The following CHD7 variants were observed in gnomAD, a reference collection of about 807,000 sequenced individuals.
The protein encoded by CHD7 is ATP-dependent chromatin remodeler CHD7.
Under a neutral mutation model 307.3 loss-of-function variants are expected in CHD7, and 24 were observed. That is an observed-to-expected ratio of 0.08 (90% CI 0.06 to 0.11). The LOEUF (loss-of-function observed/expected upper bound fraction) is 0.11. Among genes scored for constraint, CHD7 ranks in the 10% least tolerant of loss-of-function variants. The probability of loss-of-function intolerance (pLI) is 1.00; values close to 1 mark genes in which losing one functional copy is unlikely to be tolerated. For missense variants in CHD7, 3,106 were observed against 3,727.1 expected (o/e 0.83, Z 4.34); for synonymous variants, 1,363 against 1,349.9 (o/e 1.01, Z -0.21).
Position 60,781,346 on chromosome 8 carries a change from C to T in CHD7, c.2012C>T (p.Pro671Leu), listed in dbSNP as rs370588681. Residue 671 changes from proline (P) to leucine (L), a missense_variant, in exon 3 of 38, where the codon CCG becomes CTG. Pro to Leu is a moderately conservative substitution (Grantham distance 98, BLOSUM62 -3). Around this residue, in one of 10 missense-constraint regions of CHD7, gnomAD observed 998 missense variants for 1,004.5 expected, o/e 0.99. Coordinates refer to ENST00000423902, the MANE Select transcript of CHD7 (RefSeq NM_017780.4). ...EKKEPKEPKT[P>L]KAPKIPKEPK... Reference sequence around the variant, plus strand: ...AAAGAGCCCAAGGAACCCAAGACCCCGAAAGCCCCTAAGATTCCCAAAGAG... The same window carrying T: ...AAAGAGCCCAAGGAACCCAAGACCCTGAAAGCCCCTAAGATTCCCAAAGAG... 4.5e-4 allele frequency: 699 copies of T among 1,567,606 alleles called. 15 individuals are homozygous for T. The South Asian group carries it at 7.3e-3, about 16-fold the overall frequency.
Position 60,816,414 on chromosome 8 carries a change from T to C in CHD7, c.2526T>C (p.Ser842=). The change falls in exon 8 of 38, where the codon TCT becomes TCC. Residue 842 remains serine, a synonymous_variant. Coordinates refer to ENST00000423902, the MANE Select transcript of CHD7 (RefSeq NM_017780.4). ...CTTATCTTCATTGTCAGTGGGCATC[T>C]ATAGAAGATCTGGAAAAAGATAAGA... is the stretch of plus-strand genomic sequence containing the variant. ...NFSYLHCQWA[S]IEDLEKDKRI... 2 of 1,603,130 alleles carry C rather than the reference T, an allele frequency of 1.2e-6. No individual in the cohort carries two copies. Among genetic ancestry groups the C allele is most frequent in the Non-Finnish European group, 1.7e-6 (2 of 1,172,220 alleles).
At chr8:60,841,259 C>T (rs1187079167) in intron 19 of CHD7, among the ~76,000 whole-genome samples, 2 of 152,246 alleles carry the variant, frequency 1.3e-5, no homozygotes, top group Non-Finnish European at 2.9e-5. Context: ...ACATGCTCTG[C>T]TGTGAACATT....
chr8:60,733,818 G>T (rs1808576186), intron 1 of CHD7, among the ~76,000 whole-genome samples: 1 of 151,980 alleles, frequency 6.6e-6, no homozygotes, highest in South Asian at 2.1e-4. Flanking sequence ...AATATCCAGA[G>T]TCTTCAAAGT....
intron 1 of CHD7, among the ~76,000 whole-genome samples, chr8:60,729,103 G>T (rs1178995506): frequency 3.3e-5 from 5 of 152,200 alleles, no homozygotes; most frequent in East Asian, 1.9e-4. Context: ...AAGTTATTTG[G>T]ATATGGTGAT....
chr8:60,748,415 T>TGCA (rs1809441507), intron 2 of CHD7, among the ~76,000 whole-genome samples: 1 of 152,194 alleles, frequency 6.6e-6, no homozygotes, highest in Non-Finnish European at 1.5e-5. Context: ...TGCATGGTCC[T>TGCA]GGGCCCATGG....
intron 1 of CHD7, among the ~76,000 whole-genome samples, chr8:60,722,439 T>C (rs1463228975): frequency 6.6e-6 from 1 of 152,226 alleles, no homozygotes; most frequent in African/African-American, 2.4e-5. Flanking sequence ...TACTGGCATA[T>C]TGTATTTTCA....
intron 2 of CHD7, among the ~76,000 whole-genome samples, chr8:60,768,623 C>G (rs1203722565): frequency 1.3e-5 from 2 of 152,178 alleles, no homozygotes; most frequent in South Asian, 4.1e-4. Context: ...CCAGCTGTCC[C>G]TGGGGATTGT....
intron 7 of CHD7, 61 bp downstream of exon 7, chr8:60,808,333 A>T: frequency 2.0e-6 from 2 of 982,376 alleles, no homozygotes; most frequent in Non-Finnish European, 3.0e-6. Flanking sequence ...GTAAACGACC[A>T]TTTTTTTTTA....
intron 19 of CHD7, among the ~76,000 whole-genome samples, chr8:60,840,389 TG>T (rs1804920847): frequency 6.6e-6 from 1 of 152,210 alleles, no homozygotes. Flanking sequence ...TATCTCTGTT[TG>T]TCCACCTGAC....
chr8:60,762,119 T>C (rs548855591), intron 2 of CHD7, among the ~76,000 whole-genome samples: 1 of 152,336 alleles, frequency 6.6e-6, no homozygotes, highest in East Asian at 1.9e-4. Flanking sequence ...CATGGGCCCT[T>C]AGCATGTTCT....
At chr8:60,792,851 C>T (rs776896517) in intron 3 of CHD7, among the ~76,000 whole-genome samples, 2 of 152,212 alleles carry the variant, frequency 1.3e-5, no homozygotes, top group Non-Finnish European at 2.9e-5. Flanking sequence ...AGTGGTTCAA[C>T]TCTTTGACAG....
Position 60,829,515 on chromosome 8 carries a change from C to T in CHD7, c.3522+709C>T, listed in dbSNP as rs1233399260. The stretch of plus-strand genomic sequence containing the variant: ...ACTCTGGACGCTGAGGCAGGAGAAT[C>T]ACTTGAACCCGGGAGGCAGAGGTTG... On this transcript the variant is annotated intron_variant, in intron 14 of 37. Coordinates refer to ENST00000423902, the MANE Select transcript of CHD7 (RefSeq NM_017780.4). 4.6e-5 allele frequency among the ~76,000 whole-genome samples: 7 copies of T among 152,126 alleles called. No homozygotes were observed. In the East Asian group the frequency reaches 1.3e-3, roughly 29 times the overall value.
intron 36 of CHD7, 73 bp from the exon 37 acceptor site, chr8:60,862,475 G>A (rs954451374): frequency 6.8e-7 from 1 of 1,477,198 alleles, no homozygotes; most frequent in East Asian, 2.5e-5. Context: ...ATTATAGAAG[G>A]GGGAGGGAGT....
intron 1 of CHD7, among the ~76,000 whole-genome samples, chr8:60,723,448 G>T (rs749028634): frequency 1.3e-5 from 2 of 151,998 alleles, no homozygotes; most frequent in Non-Finnish European, 2.9e-5. Context: ...CCTCTACCTC[G>T]AATGGAATGG....
chr8:60,753,290 G>A (rs952086446), intron 2 of CHD7, among the ~76,000 whole-genome samples: 1 of 152,160 alleles, frequency 6.6e-6, no homozygotes, highest in Non-Finnish European at 1.5e-5. Flanking sequence ...ACTGGAATAA[G>A]GCGCTGTGGG....
chr8:60,851,920 C>G, intron 28 of CHD7, 99 bp from the exon 29 acceptor site: 1 of 761,424 alleles, frequency 1.3e-6, no homozygotes, highest in South Asian at 2.1e-5. Flanking sequence ...CTTTCCCACA[C>G]TGTCATTTGA....
chr8:60,802,677 C>T (rs1053016896), intron 6 of CHD7, among the ~76,000 whole-genome samples: 2 of 152,122 alleles, frequency 1.3e-5, no homozygotes, highest in African/African-American at 4.8e-5. Context: ...AAAATGTATA[C>T]AAAGTATCTC....
At chr8:60,707,540 T>A (rs187693841) in intron 1 of CHD7, among the ~76,000 whole-genome samples, 1 of 152,360 alleles carries the variant, frequency 6.6e-6, no homozygotes, top group African/African-American at 2.4e-5. Context: ...GTTACCCTTG[T>A]ATAAGAACCT....
chr8:60,728,810 C>G (rs764268025), intron 1 of CHD7, among the ~76,000 whole-genome samples: 18 of 152,008 alleles, frequency 1.2e-4, no homozygotes, highest in Non-Finnish European at 2.2e-4. Flanking sequence ...ATTAAGATAA[C>G]AAAGTTTATT....
Sources: gnomAD v4.1 joint callset for allele counts (sites outside exome capture counted in the v4.1 genomes callset) on GRCh38, gnomAD v4.1.1 for gene constraint, gnomAD v4.1.1 regional missense constraint, MANE v1.5 for transcripts, NCBI Gene and HGNC (gene_info 2026-07-23, HGNC 2026-07-21) for gene names.